SLIT3: variants seen among roughly 807,000 people sequenced by gnomAD.
SLIT3 encodes slit homolog 3 protein.
In SLIT3, 68 loss-of-function variants were observed where a neutral mutation model predicts 184.0. That is an observed-to-expected ratio of 0.37 (90% CI 0.30 to 0.45). The LOEUF is 0.45. Ranked by LOEUF, SLIT3 falls within the 20% of genes least tolerant of loss-of-function variation. SLIT3 has a pLI of 1.00. For synonymous variants in SLIT3, 831 were observed against 828.6 expected, an observed-to-expected ratio of 1.00 and a Z score of -0.05; for missense variants, 1,707 against 2,026.0, an observed-to-expected ratio of 0.84 and a Z score of 3.02.
chr5:169,112,399 C>T (rs1176926115), intron 4 of SLIT3, among the ~76,000 whole-genome samples: 1 of 152,158 alleles, frequency 6.6e-6, no homozygotes, highest in Non-Finnish European at 1.5e-5. Flanking sequence ...TAATTAAGTT[C>T]TCTGATTCTT....
intron 4 of SLIT3, among the ~76,000 whole-genome samples, chr5:168,911,947 A>G (rs1761266061): frequency 6.6e-6 from 1 of 152,178 alleles, no homozygotes; most frequent in Non-Finnish European, 1.5e-5. Flanking sequence ...ACAACAATCC[A>G]CTGCCATGTA....
intron 3 of SLIT3, among the ~76,000 whole-genome samples, chr5:169,236,397 G>T (rs1765201309): frequency 6.6e-6 from 1 of 151,966 alleles, no homozygotes; most frequent in African/African-American, 2.4e-5. Context: ...CATCAACTGG[G>T]TGCTGGGCAT....
chr5:168,928,623 T>C (rs1761900194), intron 4 of SLIT3, among the ~76,000 whole-genome samples: 1 of 152,200 alleles, frequency 6.6e-6, no homozygotes, highest in Admixed American at 6.5e-5. Context: ...AAGGAGGAAA[T>C]ACCAAAAACC....
chr5:168,749,412 C>T (rs755251260), intron 19 of SLIT3, 60 bp downstream of exon 19: 6 of 1,587,044 alleles, frequency 3.8e-6, no homozygotes, highest in South Asian at 1.1e-5. Flanking sequence ...TGTGCATCTT[C>T]GCCATCTTCC....
At chr5:169,054,004 T>C (rs970835590) in intron 4 of SLIT3, among the ~76,000 whole-genome samples, 1 of 151,732 alleles carries the variant, frequency 6.6e-6, no homozygotes, top group Admixed American at 6.6e-5. Context: ...GGCAGGAGAA[T>C]CTCTTGAACC....
intron 4 of SLIT3, among the ~76,000 whole-genome samples, chr5:168,988,461 G>A (rs1755207646): frequency 6.6e-6 from 1 of 152,100 alleles, no homozygotes; most frequent in South Asian, 2.1e-4. Context: ...GGCAGGGAAG[G>A]ACCCAGATCC....
chr5:169,226,764 T>A (rs1764825585), intron 3 of SLIT3, among the ~76,000 whole-genome samples: 1 of 152,056 alleles, frequency 6.6e-6, no homozygotes, highest in South Asian at 2.1e-4. Flanking sequence ...TCTATAGAGG[T>A]GGTAACAATG....
At chr5:168,995,445 C>G (rs879690491) in intron 4 of SLIT3, 2 of 152,182 alleles carry the variant, frequency 1.3e-5, no homozygotes, top group African/African-American at 2.4e-5. Flanking sequence ...ATACCTTAGT[C>G]ATGCTTGCAC....
chr5:168,741,478 C>CAA (rs3061744), intron 20 of SLIT3, among the ~76,000 whole-genome samples: 7,962 of 81,482 alleles, frequency 0.098, 578 homozygotes, highest in Non-Finnish European at 0.14. Flanking sequence ...GACTCGGTCT[C>CAA]AAAAAAAAAA....
At chr5:168,691,735 T>C (rs922843940) in intron 29 of SLIT3, among the ~76,000 whole-genome samples, 1 of 152,184 alleles carries the variant, frequency 6.6e-6, no homozygotes, top group Non-Finnish European at 1.5e-5. Flanking sequence ...GGACAGAGAT[T>C]GCTGGGAGAA....
chr5:168,911,317 ACCC>A (rs2113081127), intron 4 of SLIT3, among the ~76,000 whole-genome samples: 1 of 152,196 alleles, frequency 6.6e-6, no homozygotes. Context: ...CGTTCACCCC[ACCC>A]CACCCGACCT....
At chr5:168,786,557 T>C (rs1383772607) in intron 11 of SLIT3, among the ~76,000 whole-genome samples, 1 of 152,138 alleles carries the variant, frequency 6.6e-6, no homozygotes, top group Non-Finnish European at 1.5e-5. Context: ...TAATGGCAGC[T>C]TTTACTTTCT....
At chr5:168,790,730 GA>G (rs1280611755) in intron 10 of SLIT3, 7 of 152,206 alleles carry the variant, frequency 4.6e-5, no homozygotes, top group African/African-American at 1.7e-4. Flanking sequence ...AGAGAATGTG[GA>G]GAAAAAAAAG....
At chr5:169,053,602 TCTTTCTAGATTACCCTCTCTC>T (rs1452118805) in intron 4 of SLIT3, among the ~76,000 whole-genome samples, 1 of 152,190 alleles carries the variant, frequency 6.6e-6, no homozygotes, top group African/African-American at 2.4e-5. Flanking sequence ...AATCTGGGAA[TCTTTCTAGATTACCCTCTCTC>T]CTTTAAGCAT....
chr5:169,187,490 G>T (rs1763392653), intron 4 of SLIT3, among the ~76,000 whole-genome samples: 2 of 151,908 alleles, frequency 1.3e-5, no homozygotes, highest in African/African-American at 4.8e-5. Flanking sequence ...GCCAAAAGGA[G>T]CCCCTTGGTC....
chr5:168,897,114 A>G (rs985992640), intron 4 of SLIT3, among the ~76,000 whole-genome samples: 50 of 92,974 alleles, frequency 5.4e-4, no homozygotes, highest in Non-Finnish European at 7.2e-4. Context: ...TCAATGAAGC[A>G]TCATCATTAC....
rs961037096 is a variant in SLIT3 at position 168,665,711 on chromosome 5, A to G, written c.*743T>C. 10 of 149,834 alleles carry G rather than the reference A, an allele frequency of 6.7e-5. No individual in the cohort carries two copies. In the East Asian group the frequency reaches 2.1e-3, roughly 32 times the overall value. The allele number at this position is 149,834 out of a possible 1,614,324, so 9.3% of individuals were successfully genotyped here. ...AGAAGAGGGGTCCCCCAGTGGGTTC[A>G]GATACGGAAGCCAGGGCCACCCAGG... On this transcript the variant is annotated 3_prime_UTR_variant, in exon 36 of 36. Transcript: ENST00000519560.
chr5:168,980,695 A>T (rs1176242107), intron 4 of SLIT3, among the ~76,000 whole-genome samples: 1 of 152,246 alleles, frequency 6.6e-6, no homozygotes, highest in African/African-American at 2.4e-5. Context: ...ATGAAGGCAG[A>T]CAAAGATAGA....
intron 8 of SLIT3, among the ~76,000 whole-genome samples, chr5:168,814,227 C>T (rs1757255970): frequency 1.3e-5 from 2 of 152,076 alleles, no homozygotes; most frequent in East Asian, 1.9e-4. Context: ...GAAACCCCAT[C>T]GCTACTAAAA....
Sources: allele counts gnomAD v4.1 joint callset (sites outside exome capture counted in the v4.1 genomes callset), GRCh38; gene constraint gnomAD v4.1.1; transcripts MANE v1.5; gene names NCBI Gene and HGNC (gene_info 2026-07-23, HGNC 2026-07-21).